The following SLC9A9 variants were observed in gnomAD, a reference collection of about 807,000 sequenced individuals.
SLC9A9 encodes solute carrier family 9 member A9.
In SLC9A9, 62 loss-of-function variants were observed where a neutral mutation model predicts 77.8. The ratio of observed to expected loss-of-function variants is 0.80; its 90% CI spans 0.65 to 0.98. The LOEUF (loss-of-function observed/expected upper bound fraction) is 0.98. Ranked by LOEUF, SLC9A9 falls within the 50% of genes least tolerant of loss-of-function variation. SLC9A9 has a pLI of 0.00. For synonymous variants in SLC9A9, 320 were observed against 283.5 expected (o/e 1.13, Z -1.29); for missense variants, 775 against 774.9 (o/e 1.00, Z 0.00).
chr3:143,803,640 C>T (rs183501121), intron 2 of SLC9A9, among the ~76,000 whole-genome samples: 67 of 152,290 alleles, frequency 4.4e-4, no homozygotes, highest in African/African-American at 1.6e-3. Context: ...TTTATACTCA[C>T]TGTTATTCTC....
chr3:143,272,116 G>C (rs1937914860), intron 14 of SLC9A9, among the ~76,000 whole-genome samples: 1 of 152,156 alleles, frequency 6.6e-6, no homozygotes, highest in Non-Finnish European at 1.5e-5. Flanking sequence ...TGAGTTATCA[G>C]GTGGAGGGGA....
In SLC9A9 at chr3:143,357,059, G is replaced by A. The variant is rs180893608; in HGVS notation, c.1604+6425C>T. On this transcript the variant is annotated intron_variant, in intron 14 of 15. Coordinates refer to ENST00000316549, the MANE Select transcript of SLC9A9 (RefSeq NM_173653.4). ...AGGAGAAGCAGTTATAATGCCATGT[G>A]CATATTTATGTGCGGATGCCATTAG... 4.7e-4 allele frequency among the ~76,000 whole-genome samples: 71 copies of A among 152,302 alleles called. 3 individuals are homozygous for A. The highest frequency in any genetic ancestry group is 3.4e-3 in the Admixed American group (52 of 15,296).
Position 143,266,081 on chromosome 3 carries a change from G to A in SLC9A9, c.*621C>T. On this transcript the variant is annotated 3_prime_UTR_variant, in exon 16 of 16. Transcript: ENST00000316549. The stretch of plus-strand genomic sequence containing the variant: ...CATAGGCAACCCCTTTGAGCGATGG[G>A]AGAAGTAGCATAAGAAGGATGCCAA... 1 of 702,392 alleles carries A rather than the reference G, an allele frequency of 1.4e-6. No individual in the cohort carries two copies. Among genetic ancestry groups the A allele is most frequent in the Non-Finnish European group, 2.6e-6 (1 of 384,806 alleles). 43.5% of individuals were successfully genotyped at this position (702,392 alleles called of 1,614,324 possible).
At chr3:143,632,451 G>T (rs982082744) in intron 6 of SLC9A9, among the ~76,000 whole-genome samples, 4 of 151,942 alleles carry the variant, frequency 2.6e-5, no homozygotes, top group Admixed American at 2.6e-4. Context: ...TGAACCTGAG[G>T]CACTTTTTGA....
rs762159800 is a variant in SLC9A9 at position 143,652,388 on chromosome 3, T to G, written c.650-28A>C. 17 of 1,565,352 alleles carry G rather than the reference T, an allele frequency of 1.1e-5. No individual in the cohort carries two copies. In the South Asian group the frequency reaches 1.4e-4, roughly 12 times the overall value. On this transcript the variant is annotated intron_variant, in intron 5 of 15. Transcript: ENST00000316549. ...AGGAAGACACACACAAACATGCAGGTTAGCTTGGATGCAGGCATGGAGTTT... is the reference window on the plus strand; with the variant it reads ...AGGAAGACACACACAAACATGCAGGGTAGCTTGGATGCAGGCATGGAGTTT...
chr3:143,580,329 A>G (rs1390017582), intron 6 of SLC9A9, among the ~76,000 whole-genome samples: 1 of 152,192 alleles, frequency 6.6e-6, no homozygotes, highest in East Asian at 1.9e-4. Context: ...GCACAGTAGC[A>G]CAGCTTTAGA....
intron 6 of SLC9A9, among the ~76,000 whole-genome samples, chr3:143,611,710 A>G (rs1184927496): frequency 1.3e-5 from 2 of 152,176 alleles, no homozygotes; most frequent in Non-Finnish European, 2.9e-5. Context: ...ATAATGTTAT[A>G]CAAAGTAACT....
intron 12 of SLC9A9, among the ~76,000 whole-genome samples, chr3:143,392,185 T>TG (rs2033587777): frequency 6.6e-6 from 1 of 152,108 alleles, no homozygotes; most frequent in Non-Finnish European, 1.5e-5. Flanking sequence ...GAAGAAATGT[T>TG]AAGGGCAGCC....
intron 5 of SLC9A9, chr3:143,655,409 G>A (rs1459577632): frequency 1.3e-4 from 117 of 924,034 alleles, no homozygotes; most frequent in Non-Finnish European, 1.4e-4. Flanking sequence ...TGGACATCGT[G>A]TGGATAGGAA....
intron 12 of SLC9A9, among the ~76,000 whole-genome samples, chr3:143,440,348 T>G (rs951131625): frequency 6.6e-6 from 1 of 152,190 alleles, no homozygotes; most frequent in Non-Finnish European, 1.5e-5. Flanking sequence ...CTTTTGCTTA[T>G]GATTGGCAGA....
At chr3:143,726,361 C>A (rs924346266) in intron 4 of SLC9A9, among the ~76,000 whole-genome samples, 1 of 151,812 alleles carries the variant, frequency 6.6e-6, no homozygotes, top group African/African-American at 2.4e-5. Context: ...TGGGAAGGCT[C>A]TATATTTTGA....
chr3:143,588,116 G>T (rs944641807), intron 6 of SLC9A9, among the ~76,000 whole-genome samples: 1 of 152,158 alleles, frequency 6.6e-6, no homozygotes, highest in African/African-American at 2.4e-5. Flanking sequence ...ACTATAAAAG[G>T]GTAGTGAATT....
intron 12 of SLC9A9, among the ~76,000 whole-genome samples, chr3:143,410,834 T>G (rs963360504): frequency 2.0e-5 from 3 of 152,204 alleles, no homozygotes; most frequent in African/African-American, 7.2e-5. Flanking sequence ...TTGGTATGAA[T>G]GTTTTCTTTT....
chr3:143,672,804 TGAAAAGGCATTTCTCCCCCCAACCTTTA>T (rs1179378593), intron 5 of SLC9A9, among the ~76,000 whole-genome samples: 1 of 152,234 alleles, frequency 6.6e-6, no homozygotes, highest in African/African-American at 2.4e-5. Flanking sequence ...CATAAGTCTT[TGAAAAGGCATTTCTCCCCCCAACCTTTA>T]AAAAATATGC....
At chr3:143,323,717 A>G (rs1053645294) in intron 14 of SLC9A9, among the ~76,000 whole-genome samples, 6 of 152,230 alleles carry the variant, frequency 3.9e-5, no homozygotes, top group Non-Finnish European at 5.9e-5. Flanking sequence ...ATGAACACCT[A>G]AACATACTGA....
intron 6 of SLC9A9, among the ~76,000 whole-genome samples, chr3:143,606,394 G>C (rs1368255497): frequency 8.8e-5 from 11 of 125,540 alleles, no homozygotes; most frequent in Admixed American, 8.4e-4. Flanking sequence ...CTGGGCGAAA[G>C]AGTGAATCTC....
At chr3:143,691,262 G>T (rs548275851) in intron 5 of SLC9A9, among the ~76,000 whole-genome samples, 1 of 151,842 alleles carries the variant, frequency 6.6e-6, no homozygotes, top group Non-Finnish European at 1.5e-5. Context: ...GAGAGACAGG[G>T]TTTCCCCATG....
intron 14 of SLC9A9, among the ~76,000 whole-genome samples, chr3:143,347,341 T>C (rs968063199): frequency 9.9e-5 from 15 of 152,180 alleles, no homozygotes; most frequent in African/African-American, 3.1e-4. Flanking sequence ...GAAATAGTTT[T>C]GTTTGTTTGC....
intron 8 of SLC9A9, among the ~76,000 whole-genome samples, chr3:143,554,037 T>C (rs138731858): frequency 2.4e-3 from 358 of 152,316 alleles, no homozygotes; most frequent in African/African-American, 7.3e-3. Flanking sequence ...GTCTAGTGTG[T>C]AGTCTATTGG....
Sources: allele counts gnomAD v4.1 joint callset (sites outside exome capture counted in the v4.1 genomes callset), GRCh38; gene constraint gnomAD v4.1.1; transcripts MANE v1.5; gene names NCBI Gene and HGNC (gene_info 2026-07-23, HGNC 2026-07-21).